COL19A1: variants seen among roughly 807,000 people sequenced by gnomAD.
COL19A1 encodes the protein collagen type XIX alpha 1 chain, also known as collagen alpha-1(XIX) chain.
In COL19A1, 159 loss-of-function variants were observed where a neutral mutation model predicts 190.2. The observed-to-expected ratio is 0.84, with a 90% CI of 0.73 to 0.95. COL19A1 has a LOEUF of 0.95. Among genes scored for constraint, COL19A1 ranks in the 40% least tolerant of loss-of-function variants. The probability of loss-of-function intolerance (pLI) is 0.00; values close to 1 mark genes in which losing one functional copy is unlikely to be tolerated. For missense variants in COL19A1, 1,418 were observed against 1,431.9 expected (o/e 0.99, Z 0.16); for synonymous variants, 509 against 458.9 (o/e 1.11, Z -1.39).
intron 10 of COL19A1, among the ~76,000 whole-genome samples, chr6:69,961,850 A>ACATG (rs1467478011): frequency 6.6e-6 from 1 of 152,184 alleles, no homozygotes; most frequent in Non-Finnish European, 1.5e-5. Flanking sequence ...ATGTATGTAT[A>ACATG]CATGCATGCA....
At chr6:70,129,064 AAAGC>A (rs1468684628) in intron 17 of COL19A1, among the ~76,000 whole-genome samples, 2 of 152,240 alleles carry the variant, frequency 1.3e-5, no homozygotes, top group Non-Finnish European at 2.9e-5. Context: ...CAGATTTTCT[AAAGC>A]GATTGGTCTA....
At chr6:70,140,214 A>C (rs991430254) in intron 19 of COL19A1, among the ~76,000 whole-genome samples, 1 of 151,942 alleles carries the variant, frequency 6.6e-6, no homozygotes, top group African/African-American at 2.4e-5. Flanking sequence ...CCTAATATAA[A>C]ATGGCCTATT....
intron 16 of COL19A1, among the ~76,000 whole-genome samples, chr6:70,112,321 A>C (rs991251781): frequency 6.6e-6 from 1 of 152,112 alleles, no homozygotes; most frequent in Non-Finnish European, 1.5e-5. Flanking sequence ...ATCACCTTGT[A>C]CTGGGTCATT....
chr6:70,173,967 T>G (rs1478893983), intron 41 of COL19A1, among the ~76,000 whole-genome samples: 1 of 152,016 alleles, frequency 6.6e-6, no homozygotes, highest in African/African-American at 2.4e-5. Context: ...GGGGACCTAG[T>G]GCATATGTGG....
At chr6:70,139,835 A>G (rs938692541) in intron 19 of COL19A1, among the ~76,000 whole-genome samples, 1 of 152,074 alleles carries the variant, frequency 6.6e-6, no homozygotes, top group Non-Finnish European at 1.5e-5. Context: ...GGGGAGCTCT[A>G]AAAGATTAAG....
At chr6:70,142,922 C>A in intron 23 of COL19A1, 102 bp downstream of exon 23, 2 of 1,081,018 alleles carry the variant, frequency 1.9e-6, no homozygotes, top group South Asian at 3.0e-5. Context: ...TCCCTCATTT[C>A]CCAAAGACAT....
At chr6:70,169,447 G>GA (rs1320910304) in intron 40 of COL19A1, among the ~76,000 whole-genome samples, 1 of 151,754 alleles carries the variant, frequency 6.6e-6, no homozygotes, top group Non-Finnish European at 1.5e-5. Flanking sequence ...ATTGCCATGT[G>GA]AAAAAAAATT....
intron 2 of COL19A1, among the ~76,000 whole-genome samples, chr6:69,887,896 G>A (rs1769049429): frequency 6.6e-6 from 1 of 152,158 alleles, no homozygotes; most frequent in Non-Finnish European, 1.5e-5. Flanking sequence ...GCTAAAAAGG[G>A]TGTGAAGTTC....
At position 70,144,277 on chromosome 6, in the gene COL19A1, T is replaced by C; in HGVS notation, c.1680+14T>C. ...AAAGGAGAAAAGGTATAGTTTACATTTTCCTCATTTTATATGTTAAGTAGA... is the reference window on the plus strand; with the variant it reads ...AAAGGAGAAAAGGTATAGTTTACATCTTCCTCATTTTATATGTTAAGTAGA... On this transcript the variant is annotated intron_variant, in intron 24 of 50. Transcript: ENST00000620364. 8.7e-6 allele frequency: 14 copies of C among 1,607,302 alleles called. No homozygotes were observed. The highest frequency in any genetic ancestry group is 1.2e-5 in the Non-Finnish European group (14 of 1,176,052).
chr6:70,152,732 C>A (rs916960295), intron 31 of COL19A1, among the ~76,000 whole-genome samples: 1 of 152,130 alleles, frequency 6.6e-6, no homozygotes, highest in African/African-American at 2.4e-5. Context: ...GTAACATTAA[C>A]ACAGGAACAT....
chr6:70,204,025 T>C (rs1248947568), intron 49 of COL19A1, among the ~76,000 whole-genome samples: 3 of 152,144 alleles, frequency 2.0e-5, no homozygotes, highest in Non-Finnish European at 4.4e-5. Context: ...CATGCCCAGC[T>C]AATTTTTGTA....
At chr6:69,915,132 C>A (rs1372082340) in intron 4 of COL19A1, among the ~76,000 whole-genome samples, 1 of 152,096 alleles carries the variant, frequency 6.6e-6, no homozygotes, top group East Asian at 1.9e-4. Context: ...TTTAGGAACA[C>A]TGAACAAAAA....
chr6:69,932,734 T>C, intron 6 of COL19A1, 49 bp from the exon 7 acceptor site: 5 of 1,119,164 alleles, frequency 4.5e-6, no homozygotes, highest in Non-Finnish European at 6.6e-6. Context: ...ACTGCCTGAA[T>C]GTGATTCCAA....
At chr6:70,144,160 T>C (rs1284854986) in intron 23 of COL19A1, 50 bp from the exon 24 acceptor site, 10 of 1,451,196 alleles carry the variant, frequency 6.9e-6, no homozygotes, top group Non-Finnish European at 9.6e-6. Flanking sequence ...GGAAATGTTA[T>C]TGTAAGAGAT....
chr6:70,145,111 C>CA, intron 25 of COL19A1, 104 bp downstream of exon 25: 4 of 844,664 alleles, frequency 4.7e-6, no homozygotes, highest in South Asian at 1.6e-5. Context: ...TTTAGGTCTG[C>CA]AAAAAAAGGA....
At chr6:69,987,667 G>T (rs1776386200) in intron 11 of COL19A1, among the ~76,000 whole-genome samples, 1 of 152,156 alleles carries the variant, frequency 6.6e-6, no homozygotes, top group Non-Finnish European at 1.5e-5. Flanking sequence ...TGGCTTCTAG[G>T]ACTTGAATCT....
In COL19A1 at chr6:70,059,703, T is replaced by A. The variant is rs1780707497; in HGVS notation, c.1171-8720T>A. The A allele has an allele frequency of 4.5e-6, 2 of 445,604 alleles. 1 individual carries two copies. 27.6% of individuals were successfully genotyped at this position (445,604 alleles called of 1,614,324 possible). A position where few individuals can be genotyped will look rare whatever the true frequency, so the allele number is the denominator to read the frequency against. On this transcript the variant is annotated intron_variant, in intron 14 of 50. Transcript: ENST00000620364. ...TTGTCAATATTTTTAATGTCCAGAA[T>A]TGTGTTAAACGGAAAATGAATACCT... is the stretch of plus-strand genomic sequence containing the variant.
chr6:69,985,593 G>A (rs528680587), intron 11 of COL19A1, among the ~76,000 whole-genome samples: 3 of 152,134 alleles, frequency 2.0e-5, no homozygotes, highest in Non-Finnish European at 4.4e-5. Context: ...GAGTATATAT[G>A]CAAACAGCCA....
At chr6:70,106,435 C>T (rs796479418) in intron 16 of COL19A1, among the ~76,000 whole-genome samples, 22 of 151,970 alleles carry the variant, frequency 1.4e-4, no homozygotes, top group African/African-American at 5.1e-4. Flanking sequence ...GGAAAATTTA[C>T]TAACACTAGT....
Sources: allele counts gnomAD v4.1 joint callset (sites outside exome capture counted in the v4.1 genomes callset), GRCh38; gene constraint gnomAD v4.1.1; transcripts MANE v1.5; gene names NCBI Gene and HGNC (gene_info 2026-07-23, HGNC 2026-07-21).